Variants in MCHR2 observed in about 807,000 individuals in gnomAD.
MCHR2 encodes melanin concentrating hormone receptor 2.
Under a neutral mutation model 24.8 loss-of-function variants are expected in MCHR2, and 15 were observed. The ratio of observed to expected loss-of-function variants is 0.60; its 90% confidence interval spans 0.40 to 0.93. The LOEUF (loss-of-function observed/expected upper bound fraction) is 0.93, where lower values mean the gene tolerates loss of function less well. Ranked by LOEUF, MCHR2 falls within the 40% of genes least tolerant of loss-of-function variation. The pLI is 0.00. For synonymous variants in MCHR2, 151 were observed against 147.6 expected (o/e 1.02, Z -0.17); for missense variants, 386 against 408.7 (o/e 0.94, Z 0.48).
chr6:99,983,059 C>G (rs1329687234), intron 1 of MCHR2, among the ~76,000 whole-genome samples: 1 of 152,144 alleles, frequency 6.6e-6, no homozygotes, highest in Admixed American at 6.5e-5. Context: ...TTCCCAGGCT[C>G]AAGTAATCCT....
intron 5 of MCHR2, among the ~76,000 whole-genome samples, chr6:99,927,132 G>A (rs1161156557): frequency 6.6e-6 from 1 of 152,108 alleles, no homozygotes; most frequent in Non-Finnish European, 1.5e-5. Context: ...GTTTGTCAAA[G>A]ATCAGATAGT....
intron 2 of MCHR2, 64 bp downstream of exon 2, chr6:99,955,902 G>T: frequency 7.5e-7 from 1 of 1,325,458 alleles, no homozygotes; most frequent in South Asian, 1.9e-5. Context: ...ACTCATTTAG[G>T]GAGCTTTGAC....
At chr6:99,989,015 AC>A (rs1442983859) in intron 1 of MCHR2, among the ~76,000 whole-genome samples, 1 of 152,242 alleles carries the variant, frequency 6.6e-6, no homozygotes, top group African/African-American at 2.4e-5. Context: ...ACATGCATGT[AC>A]ATAGTCATAC....
intron 5 of MCHR2, among the ~76,000 whole-genome samples, chr6:99,933,446 A>AT (rs1186615696): frequency 6.6e-5 from 10 of 151,890 alleles, no homozygotes; most frequent in Admixed American, 3.3e-4. Flanking sequence ...TTATAAACTA[A>AT]TTTTTTTTCT....
intron 1 of MCHR2, among the ~76,000 whole-genome samples, chr6:99,988,188 G>A (rs931297882): frequency 1.3e-5 from 2 of 152,182 alleles, no homozygotes; most frequent in Non-Finnish European, 2.9e-5. Flanking sequence ...AAGTCCATAG[G>A]GTAGACTTTC....
intron 1 of MCHR2, among the ~76,000 whole-genome samples, chr6:99,961,007 G>T (rs1433295095): frequency 6.6e-6 from 1 of 152,078 alleles, no homozygotes; most frequent in Non-Finnish European, 1.5e-5. Flanking sequence ...AAGAGCTTCT[G>T]CACAGCAAAA....
intron 1 of MCHR2, among the ~76,000 whole-genome samples, chr6:99,981,484 G>A (rs951492972): frequency 6.6e-6 from 1 of 152,184 alleles, no homozygotes; most frequent in African/African-American, 2.4e-5. Flanking sequence ...AATGGTATGT[G>A]TGGTTAAACA....
Position 99,943,056 on chromosome 6 carries a change from A to T in MCHR2, c.480T>A (p.Ala160=). The change falls in exon 4 of 6, where the codon GCT becomes GCA. Residue 160 remains alanine, a synonymous_variant. Coordinates refer to ENST00000281806, the MANE Select transcript of MCHR2 (RefSeq NM_001040179.2). ...TIRINLGLWA[A]SFILALPVWV... The stretch of plus-strand genomic sequence containing the variant: ...AGACAGGCAATGCCAGGATAAAGGA[A>T]GCTGCCCAAAGGCCCAAATTGATCC... 1 of 1,613,172 alleles carries T rather than the reference A, an allele frequency of 6.2e-7. No individual in the cohort carries two copies. The highest frequency in any genetic ancestry group is 2.2e-5 in the East Asian group (1 of 44,862).
intron 4 of MCHR2, among the ~76,000 whole-genome samples, chr6:99,941,532 G>GA (rs1160690273): frequency 1.3e-5 from 2 of 152,080 alleles, no homozygotes; most frequent in African/African-American, 4.8e-5. Context: ...ATGGTATGAG[G>GA]AAGTAGGGTC....
At chr6:99,935,942 T>C (rs927081085) in intron 4 of MCHR2, among the ~76,000 whole-genome samples, 1 of 152,078 alleles carries the variant, frequency 6.6e-6, no homozygotes, top group Non-Finnish European at 1.5e-5. Context: ...ATTTCTCTGA[T>C]GGTTAGTGAT....
At chr6:99,986,086 C>T (rs1209347692) in intron 1 of MCHR2, among the ~76,000 whole-genome samples, 2 of 152,072 alleles carry the variant, frequency 1.3e-5, no homozygotes, top group Non-Finnish European at 2.9e-5. Flanking sequence ...CTCAATATCA[C>T]TAATCATCAG....
Position 99,943,091 on chromosome 6 carries a change from T to C in MCHR2, c.445A>G (p.Lys149Glu). 1.2e-6 allele frequency: 2 copies of C among 1,612,502 alleles called. No individual in the cohort carries two copies. The highest frequency in any genetic ancestry group is 8.5e-7 in the Non-Finnish European group (1 of 1,178,952). ...AGGCCCAAATTGATCCGGATGGTCT[T>C]GTACCTTGTTCTCCAACGTGTCAGT... ...FRLTRWRTRYKTIRINLGLWA... is the reference protein window; with the variant it reads ...FRLTRWRTRYETIRINLGLWA... Residue 149 changes from lysine (K) to glutamate (E), a missense_variant, in exon 4 of 6, where the codon AAG (lysine) becomes GAG (glutamate). Lys to Glu is a moderately conservative substitution (Grantham distance 56). Transcript: ENST00000281806.
At chr6:99,973,309 A>G (rs368426062) in intron 1 of MCHR2, among the ~76,000 whole-genome samples, 3 of 151,792 alleles carry the variant, frequency 2.0e-5, no homozygotes, top group Admixed American at 6.6e-5. Context: ...TCCCTTTACC[A>G]TTATGTAATG....
chr6:99,922,463 C>T (rs797022144), intron 5 of MCHR2, among the ~76,000 whole-genome samples: 2 of 152,260 alleles, frequency 1.3e-5, no homozygotes, highest in Admixed American at 6.5e-5. Flanking sequence ...AAATTTTGCC[C>T]AGACCAATGT....
At chr6:99,966,009 T>G (rs1034569817) in intron 1 of MCHR2, among the ~76,000 whole-genome samples, 1 of 152,144 alleles carries the variant, frequency 6.6e-6, no homozygotes, top group African/African-American at 2.4e-5. Context: ...TCAGAAGGCT[T>G]ACTTGTTATT....
At chr6:99,961,728 G>A (rs1775192882) in intron 1 of MCHR2, among the ~76,000 whole-genome samples, 1 of 152,018 alleles carries the variant, frequency 6.6e-6, no homozygotes, top group East Asian at 1.9e-4. Flanking sequence ...CTGGGAGAGG[G>A]ATAGCATTAG....
rs552651333 is a variant in MCHR2 at position 99,982,296 on chromosome 6, A to G, written c.-28+11640T>C. On this transcript the variant is annotated intron_variant, in intron 1 of 5. Transcript: ENST00000281806. ...CAACCCACCTTCCCCAACCCTACTC[A>G]GGATGGCTGTTCGGAAATCTAATAT... Among the ~76,000 whole-genome samples the G allele has an allele frequency of 3.3e-5, 5 of 151,896 alleles. No individual in the cohort carries two copies. The East Asian group carries it at 7.7e-4, about 24-fold the overall frequency.
intron 1 of MCHR2, among the ~76,000 whole-genome samples, chr6:99,991,996 C>T (rs1349690486): frequency 6.6e-6 from 1 of 152,088 alleles, no homozygotes; most frequent in Admixed American, 6.5e-5. Flanking sequence ...TTCTGAGAAT[C>T]AGAATGTTAA....
intron 2 of MCHR2, among the ~76,000 whole-genome samples, chr6:99,954,891 G>A (rs1775030078): frequency 6.6e-6 from 1 of 152,092 alleles, no homozygotes; most frequent in South Asian, 2.1e-4. Flanking sequence ...CAGGCTATGA[G>A]TATAAGGTAT....
Sources: gnomAD v4.1 joint callset for allele counts (sites outside exome capture counted in the v4.1 genomes callset) on GRCh38, gnomAD v4.1.1 for gene constraint, MANE v1.5 for transcripts, NCBI Gene and HGNC (gene_info 2026-07-23, HGNC 2026-07-21) for gene names.